The following NIPAL2 variants were observed in gnomAD, a reference collection of about 807,000 sequenced individuals.
NIPAL2 encodes the protein NIPA-like protein 2.
Under a neutral mutation model 48.9 loss-of-function variants are expected in NIPAL2, and 43 were observed. The observed-to-expected ratio is 0.88, with a 90% CI of 0.69 to 1.13. The LOEUF is 1.13. NIPAL2 is among the 50% of genes most tolerant of loss of function. The pLI, the probability that NIPAL2 is intolerant of heterozygous loss-of-function variation, is 0.00. For missense variants in NIPAL2, 446 were observed against 461.4 expected, an observed-to-expected ratio of 0.97 and a Z score of 0.31; for synonymous variants, 167 against 174.6, an observed-to-expected ratio of 0.96 and a Z score of 0.34.
chr8:98,210,653 T>C (rs1425395781), intron 6 of NIPAL2, among the ~76,000 whole-genome samples: 1 of 152,230 alleles, frequency 6.6e-6, no homozygotes, highest in Non-Finnish European at 1.5e-5. Context: ...TATGGGTTTC[T>C]GTCTAATTAT....
At chr8:98,224,757 T>TTTC (rs1554566246) in intron 4 of NIPAL2, among the ~76,000 whole-genome samples, 60 of 137,030 alleles carry the variant, frequency 4.4e-4, no homozygotes, top group African/African-American at 1.7e-3. Flanking sequence ...TTTCTTTTCT[T>TTTC]TTTTTTTTTT....
chr8:98,290,497 C>T (rs774627116), intron 1 of NIPAL2, among the ~76,000 whole-genome samples: 5 of 152,192 alleles, frequency 3.3e-5, no homozygotes, highest in Non-Finnish European at 7.3e-5. Context: ...CTACAAACTT[C>T]GCTGGTTTGG....
intron 1 of NIPAL2, among the ~76,000 whole-genome samples, chr8:98,288,268 C>T (rs1816295814): frequency 1.4e-5 from 2 of 147,544 alleles, no homozygotes; most frequent in South Asian, 4.4e-4. Flanking sequence ...TCAATTCCCA[C>T]CTATGAGTGA....
At chr8:98,236,818 C>CT (rs1451509063) in intron 3 of NIPAL2, among the ~76,000 whole-genome samples, 1 of 121,810 alleles carries the variant, frequency 8.2e-6, no homozygotes, top group Non-Finnish European at 1.6e-5. Context: ...CACCACTGCA[C>CT]TGAAGCCTCA....
chr8:98,277,131 T>C (rs1366538708), intron 1 of NIPAL2, among the ~76,000 whole-genome samples: 2 of 152,372 alleles, frequency 1.3e-5, no homozygotes, highest in Admixed American at 1.3e-4. Flanking sequence ...TATTGAGATA[T>C]AATTTACATT....
intron 2 of NIPAL2, among the ~76,000 whole-genome samples, chr8:98,253,684 T>A (rs1813721017): frequency 6.6e-6 from 1 of 152,096 alleles, no homozygotes; most frequent in Non-Finnish European, 1.5e-5. Context: ...CCATCTGGGG[T>A]AAAGGCTATG....
chr8:98,192,805 T>A lies in NIPAL2; in HGVS notation c.*173A>T, dbSNP rs1810357709. On this transcript the variant is annotated 3_prime_UTR_variant, in exon 11 of 11. Transcript: ENST00000430223. ...ATCACATTCCATGGAAATATTAGAC[T>A]GTCAGAGCTTAGGAAGTCCCCGATT... is the stretch of plus-strand genomic sequence containing the variant. 35 of 606,286 alleles carry A rather than the reference T, an allele frequency of 5.8e-5. No homozygotes were observed. The East Asian group carries it at 9.3e-4, about 16-fold the overall frequency. The allele number at this position is 606,286 out of a possible 1,614,324, so 37.6% of individuals were successfully genotyped here.
chr8:98,224,115 A>G (rs1812032664), intron 4 of NIPAL2, among the ~76,000 whole-genome samples: 1 of 152,184 alleles, frequency 6.6e-6, no homozygotes, highest in Non-Finnish European at 1.5e-5. Context: ...TTCTAATAGT[A>G]TCCAGTTCTA....
intron 6 of NIPAL2, among the ~76,000 whole-genome samples, chr8:98,210,968 G>A (rs1274374528): frequency 6.6e-6 from 1 of 152,172 alleles, no homozygotes; most frequent in African/African-American, 2.4e-5. Context: ...GCTGGCTGTG[G>A]CACTGCTGGA....
intron 7 of NIPAL2, among the ~76,000 whole-genome samples, chr8:98,204,522 T>G (rs1810940439): frequency 6.6e-6 from 1 of 151,666 alleles, no homozygotes; most frequent in South Asian, 2.1e-4. Context: ...GTTGATGGAG[T>G]GGGGGCAGGG....
At position 98,241,096 on chromosome 8, in the gene NIPAL2, G is replaced by A. The variant is rs192670322; in HGVS notation, c.377-4882C>T. ...GGCTTTGAGTATTTGAGGGAAAAGA[G>A]ACAGGTCCTCTGTTTTCCAAGATGA... On this transcript the variant is annotated intron_variant, in intron 3 of 10. Transcript: ENST00000430223. Among the ~76,000 whole-genome samples the A allele has an allele frequency of 1.0e-3, 157 of 152,332 alleles. 1 individual carries two copies. Among genetic ancestry groups the A allele is most frequent in the African/African-American group, 3.6e-3 (148 of 41,574 alleles).
At chr8:98,235,720 T>TA (rs1006454219) in intron 4 of NIPAL2, among the ~76,000 whole-genome samples, 1 of 151,328 alleles carries the variant, frequency 6.6e-6, no homozygotes, top group African/African-American at 2.4e-5. Context: ...GCTCAAATTT[T>TA]AAAAAAAATA....
chr8:98,283,610 A>ATTGCAGGCCACCTT (rs1254876446), intron 1 of NIPAL2, among the ~76,000 whole-genome samples: 1 of 152,186 alleles, frequency 6.6e-6, no homozygotes, highest in Non-Finnish European at 1.5e-5. Context: ...AAGAAGCAGG[A>ATTGCAGGCCACCTT]TTGCAGGCCA....
At chr8:98,279,874 C>T (rs1815698810) in intron 1 of NIPAL2, among the ~76,000 whole-genome samples, 1 of 152,142 alleles carries the variant, frequency 6.6e-6, no homozygotes, top group Admixed American at 6.5e-5. Flanking sequence ...CTGTTGTCAC[C>T]ACTGCAGCGT....
intron 4 of NIPAL2, among the ~76,000 whole-genome samples, chr8:98,230,126 T>A (rs1298080418): frequency 1.3e-5 from 2 of 152,190 alleles, no homozygotes; most frequent in African/African-American, 4.8e-5. Flanking sequence ...CACAGCCTCT[T>A]ATTTGCATTA....
intron 1 of NIPAL2, among the ~76,000 whole-genome samples, chr8:98,263,909 G>A (rs1322310539): frequency 7.6e-6 from 1 of 132,312 alleles, no homozygotes; most frequent in Admixed American, 7.8e-5. Flanking sequence ...GAATCCAGCA[G>A]CACATCAAAA....
At chr8:98,234,722 T>C (rs1312627226) in intron 4 of NIPAL2, among the ~76,000 whole-genome samples, 1 of 151,582 alleles carries the variant, frequency 6.6e-6, no homozygotes, top group Non-Finnish European at 1.5e-5. Context: ...TATTTTTTTT[T>C]TTTTTTTTCA....
Position 98,220,964 on chromosome 8 carries a change from CTTTTTTTTTTTTTTTTTTT to C in NIPAL2, c.558+1496_558+1514del, listed in dbSNP as rs557824737. On this transcript the variant is annotated intron_variant, in intron 5 of 10. Coordinates refer to ENST00000430223, the MANE Select transcript of NIPAL2 (RefSeq NM_001321635.2). ...TATTTCTCTATCAGTTCATTTCATT[CTTTTTTTTTTTTTTTTTTT>C]TTTTTTTTTTTGACAGAGTTTTGCT... Among the ~76,000 whole-genome samples the C allele has an allele frequency of 5.2e-3, 357 of 68,676 alleles. 4 individuals are homozygous for C. Among genetic ancestry groups the C allele is most frequent in the Admixed American group, 0.02 (103 of 5,036 alleles). 45.1% of individuals were successfully genotyped at this position (68,676 alleles called of 152,430 possible). A position where few individuals can be genotyped will look rare whatever the true frequency, so the allele number is the denominator to read the frequency against.
At chr8:98,284,592 A>G (rs776247983) in intron 1 of NIPAL2, among the ~76,000 whole-genome samples, 4 of 152,190 alleles carry the variant, frequency 2.6e-5, no homozygotes, top group South Asian at 2.1e-4. Flanking sequence ...TTGGACCCTC[A>G]TTGATTCACT....
Sources: gnomAD v4.1 joint callset for allele counts (sites outside exome capture counted in the v4.1 genomes callset) on GRCh38, gnomAD v4.1.1 for gene constraint, MANE v1.5 for transcripts, NCBI Gene and HGNC (gene_info 2026-07-23, HGNC 2026-07-21) for gene names.